The following NRIP1 variants were observed in gnomAD, a reference collection of about 807,000 sequenced individuals.
NRIP1 encodes the protein nuclear receptor interacting protein 1.
A neutral mutation model predicts 75.0 loss-of-function variants in NRIP1; 28 were observed. The observed-to-expected ratio is 0.37, with a 90% CI of 0.28 to 0.51. NRIP1 has a LOEUF of 0.51. NRIP1 is among the 20% of genes least tolerant of loss of function. NRIP1 has a pLI of 0.92. For missense variants in NRIP1, 1,435 were observed against 1,343.7 expected (o/e 1.07, Z -1.06); for synonymous variants, 526 against 487.6 (o/e 1.08, Z -1.04).
chr21:15,017,830 A>G (rs1489044151), intron 2 of NRIP1, among the ~76,000 whole-genome samples: 1 of 152,204 alleles, frequency 6.6e-6, no homozygotes, highest in Admixed American at 6.5e-5. Flanking sequence ...CCGAGCCCAC[A>G]ATGTGTATTT....
chr21:14,982,978 T>C (rs2087287700), intron 3 of NRIP1, among the ~76,000 whole-genome samples: 1 of 152,156 alleles, frequency 6.6e-6, no homozygotes, highest in South Asian at 2.1e-4. Context: ...TTCTGATTGC[T>C]CCACCACTTA....
chr21:14,968,331 A>C lies in NRIP1; in HGVS notation c.-139T>G. ...CAATCAGAGAGAGACGTACTGTTAC[A>C]TTCTGTCCAAGATTTCTTCTGGCAA... On this transcript the variant is annotated 5_prime_UTR_variant, in exon 4 of 4. The change abolishes an upstream ATG in the 5' untranslated region. Transcript: ENST00000318948. 4.7e-6 allele frequency: 3 copies of C among 641,478 alleles called. No homozygotes were observed. The highest frequency in any genetic ancestry group is 5.5e-6 in the Non-Finnish European group (2 of 364,286). 39.7% of individuals were successfully genotyped at this position (641,478 alleles called of 1,614,324 possible).
At chr21:15,037,830 GTAA>G (rs1286325021) in intron 2 of NRIP1, among the ~76,000 whole-genome samples, 1 of 152,094 alleles carries the variant, frequency 6.6e-6, no homozygotes, top group Non-Finnish European at 1.5e-5. Flanking sequence ...TTTGTTCAGG[GTAA>G]TAATAATTTT....
chr21:15,063,535 G>A (rs1978519757), intron 1 of NRIP1, among the ~76,000 whole-genome samples: 1 of 152,026 alleles, frequency 6.6e-6, no homozygotes, highest in African/African-American at 2.4e-5. Flanking sequence ...ATGAATTACC[G>A]AAGCCCCTTG....
rs190171837 is a variant in NRIP1, at chr21:14,967,494, C to T, written c.699G>A (p.Pro233=). The change falls in exon 4 of 4, where the codon CCG becomes CCA. Residue 233 remains proline (P), a synonymous_variant. Coordinates refer to ENST00000318948, the MANE Select transcript of NRIP1 (RefSeq NM_003489.4). ...GQSGTKVMSE[P]LSCAARLQAV... ...CCTGTAATCTTGCAGCACATGACAA[C>T]GGTTCACTCATGACCTTTGTTCCAC... 6.9e-5 allele frequency: 111 copies of T among 1,614,094 alleles called. No homozygotes were observed. Among genetic ancestry groups the T allele is most frequent in the East Asian group, 8.9e-5 (4 of 44,872 alleles).
At chr21:14,976,164 T>C (rs1304864468) in intron 3 of NRIP1, among the ~76,000 whole-genome samples, 1 of 152,216 alleles carries the variant, frequency 6.6e-6, no homozygotes, top group Non-Finnish European at 1.5e-5. Context: ...ATCTTCCTTT[T>C]ATTAATTTAA....
At position 14,968,073 on chromosome 21, in the gene NRIP1, C is replaced by G. The variant is rs748496976; in HGVS notation, c.120G>C (p.Lys40Asn). ...AGGSGTAVDK[K>N]SAGHNEEDQN... Reference sequence around the variant, plus strand: ...GATCCTCTTCATTATGCCCAGCAGACTTTTTGTCAACGGCAGTACCTGATC... The same window carrying G: ...GATCCTCTTCATTATGCCCAGCAGAGTTTTTGTCAACGGCAGTACCTGATC... Residue 40 changes from lysine to asparagine, a missense_variant, in exon 4 of 4, where the codon AAG becomes AAC. Transcript: ENST00000318948. The G allele has an allele frequency of 6.2e-7, 1 of 1,614,068 alleles. No individual in the cohort carries two copies.
Position 14,967,767 on chromosome 21 carries a change from A to G in NRIP1, c.426T>C (p.Ser142=). ...LLASLLQSFS[S]RLQTVALSQQ... ...GTGACAGAGCAACAGTCTGCAGCCT[A>G]GAGCTGAATGACTGAAGCAAAGAGG... The change falls in exon 4 of 4, where the codon TCT becomes TCC. Residue 142 remains serine, a synonymous_variant. Coordinates refer to ENST00000318948, the MANE Select transcript of NRIP1 (RefSeq NM_003489.4). 6.2e-7 allele frequency: 1 copy of G among 1,614,156 alleles called. No individual in the cohort carries two copies. Among genetic ancestry groups the G allele is most frequent in the Admixed American group, 1.7e-5 (1 of 60,022 alleles).
Position 14,967,063 on chromosome 21 carries a change from T to A in NRIP1, c.1130A>T (p.Asn377Ile). Residue 377 changes from asparagine to isoleucine, a missense_variant, in exon 4 of 4, where the codon AAT becomes ATT. Physicochemically the swap from Asn to Ile is moderately radical, Grantham distance 149. Transcript: ENST00000318948. ...ERNNIKQAAN[N>I]SLLLHLLKSQ... ...TTTAAGAAGATGTAAAAGCAAACTA[T>A]TGTTAGCAGCTTGTTTTATATTGTT... The A allele has an allele frequency of 6.2e-7, 1 of 1,614,164 alleles. No individual in the cohort carries two copies. Among genetic ancestry groups the A allele is most frequent in the Non-Finnish European group, 8.5e-7 (1 of 1,180,024 alleles).
At chr21:14,990,921 A>C (rs948867395) in intron 3 of NRIP1, among the ~76,000 whole-genome samples, 16 of 152,172 alleles carry the variant, frequency 1.1e-4, no homozygotes, top group South Asian at 2.1e-4. Context: ...TTGAGTGGGA[A>C]GAAGGGTTAC....
intron 1 of NRIP1, among the ~76,000 whole-genome samples, chr21:15,049,189 T>A (rs948204942): frequency 2.0e-5 from 3 of 152,174 alleles, no homozygotes; most frequent in Non-Finnish European, 4.4e-5. Context: ...TACAAAGCTA[T>A]AGTTTTAGGA....
chr21:15,024,402 T>C (rs941766937), intron 2 of NRIP1, among the ~76,000 whole-genome samples: 1 of 151,960 alleles, frequency 6.6e-6, no homozygotes, highest in South Asian at 2.1e-4. Flanking sequence ...ATTAGCTGGG[T>C]GTGGTGGCAG....
intron 1 of NRIP1, among the ~76,000 whole-genome samples, chr21:15,061,210 G>C (rs2089416808): frequency 6.6e-6 from 1 of 152,194 alleles, no homozygotes. Context: ...CCAGTTGGAA[G>C]ACATGGGTAT....
Position 15,037,120 on chromosome 21 carries a change from G to C in NRIP1, c.-458+6375C>G, listed in dbSNP as rs536655508. 1.4e-3 allele frequency among the ~76,000 whole-genome samples: 209 copies of C among 152,172 alleles called. 1 individual carries two copies. The highest frequency in any genetic ancestry group is 4.8e-3 in the African/African-American group (198 of 41,528). ...CTTATTCAGGTAAGGAACATTAAAA[G>C]AGCATTCTACATATCACAGTAAGTT... On this transcript the variant is annotated intron_variant, in intron 2 of 3. Coordinates refer to ENST00000318948, the MANE Select transcript of NRIP1 (RefSeq NM_003489.4).
chr21:14,979,703 A>G (rs1369801997), intron 3 of NRIP1, among the ~76,000 whole-genome samples: 2 of 151,950 alleles, frequency 1.3e-5, no homozygotes, highest in African/African-American at 4.8e-5. Flanking sequence ...TTTAATAGCG[A>G]CGGGGTTTTA....
At chr21:15,046,961 G>A (rs2089093319) in intron 1 of NRIP1, among the ~76,000 whole-genome samples, 1 of 152,128 alleles carries the variant, frequency 6.6e-6, no homozygotes, top group Non-Finnish European at 1.5e-5. Flanking sequence ...TTAGGTTTTG[G>A]CTTAAGGGAA....
rs180897612 is a variant in NRIP1, at chr21:15,024,734, G to C, written c.-457-10268C>G. Among the ~76,000 whole-genome samples the C allele has an allele frequency of 3.0e-4, 46 of 152,018 alleles. No homozygotes were observed. The East Asian group carries it at 7.4e-3, about 24-fold the overall frequency. On this transcript the variant is annotated intron_variant, in intron 2 of 3. Transcript: ENST00000318948. ...GGAGTGGAAGAAATGATGTGGTATG[G>C]GGAATTCGAGCCCAAGCTCTAGATC...
intron 2 of NRIP1, among the ~76,000 whole-genome samples, chr21:15,017,863 T>A (rs1009799667): frequency 6.6e-6 from 1 of 152,210 alleles, no homozygotes; most frequent in Non-Finnish European, 1.5e-5. Flanking sequence ...CATTCTAGAA[T>A]TGTTTATGTT....
intron 1 of NRIP1, among the ~76,000 whole-genome samples, chr21:15,061,249 T>C (rs1360796671): frequency 6.6e-6 from 1 of 152,194 alleles, no homozygotes; most frequent in Non-Finnish European, 1.5e-5. Context: ...GGCAAATGCT[T>C]TTTCCCAGTC....
Sources: gnomAD v4.1 joint callset for allele counts (sites outside exome capture counted in the v4.1 genomes callset) on GRCh38, gnomAD v4.1.1 for gene constraint, MANE v1.5 for transcripts, NCBI Gene and HGNC (gene_info 2026-07-23, HGNC 2026-07-21) for gene names.